Variants in SEC63 observed in about 807,000 individuals in gnomAD.
SEC63 encodes the protein SEC63 protein translocation regulator.
A neutral mutation model predicts 116.2 loss-of-function variants in SEC63; 56 were observed. That is an observed-to-expected ratio of 0.48 (90% CI 0.39 to 0.60). SEC63 has a LOEUF of 0.60. Among genes scored for constraint, SEC63 ranks in the 20% least tolerant of loss-of-function variants. The pLI, the probability that SEC63 is intolerant of heterozygous loss-of-function variation, is 0.00. For missense variants in SEC63, 668 were observed against 900.0 expected (o/e 0.74, Z 3.30); for synonymous variants, 273 against 294.6 (o/e 0.93, Z 0.75).
chr6:107,912,875 CCCA>C (rs1231630357), intron 5 of SEC63, 101 bp from the exon 6 acceptor site: 2 of 866,146 alleles, frequency 2.3e-6, no homozygotes, highest in African/African-American at 3.4e-5. Context: ...AGAACTCTCC[CCCA>C]CAACACAAAA....
intron 2 of SEC63, among the ~76,000 whole-genome samples, chr6:107,926,688 G>A (rs752321441): frequency 1.4e-4 from 21 of 152,020 alleles, no homozygotes; most frequent in Non-Finnish European, 8.8e-5. Context: ...CATCCAAAAG[G>A]CTAACAAACA....
chr6:107,933,753 G>A (rs1428059942), intron 1 of SEC63, among the ~76,000 whole-genome samples: 1 of 148,230 alleles, frequency 6.7e-6, no homozygotes, highest in Non-Finnish European at 1.5e-5. Context: ...TCTTTCCACG[G>A]TCTCCCTCTG....
chr6:107,930,930 G>C (rs1435621281), intron 1 of SEC63, among the ~76,000 whole-genome samples: 1 of 152,148 alleles, frequency 6.6e-6, no homozygotes, highest in African/African-American at 2.4e-5. Context: ...AGGAGGCAGA[G>C]GTTGCAGTGA....
At chr6:107,921,077 A>ATT (rs1787545422) in intron 4 of SEC63, among the ~76,000 whole-genome samples, 1 of 152,214 alleles carries the variant, frequency 6.6e-6, no homozygotes, top group African/African-American at 2.4e-5. Context: ...GTGTGACGAA[A>ATT]TTCTAAAAAG....
At chr6:107,941,031 G>A (rs1347169075) in intron 1 of SEC63, among the ~76,000 whole-genome samples, 2 of 152,014 alleles carry the variant, frequency 1.3e-5, no homozygotes, top group South Asian at 2.1e-4. Context: ...CAAGTACTAG[G>A]AAAGTAAATA....
chr6:107,913,105 A>AT (rs1273836890), intron 5 of SEC63, among the ~76,000 whole-genome samples: 7 of 152,126 alleles, frequency 4.6e-5, no homozygotes, highest in Non-Finnish European at 8.8e-5. Flanking sequence ...GAAAAATAAG[A>AT]TTTTTTCCTC....
chr6:107,874,665 A>G (rs1317901776), intron 19 of SEC63, among the ~76,000 whole-genome samples: 2 of 151,700 alleles, frequency 1.3e-5, no homozygotes, highest in Non-Finnish European at 2.9e-5. Flanking sequence ...ACAACCAAAT[A>G]CAATGTAAAA....
rs909264652 is a variant in SEC63 at position 107,868,776 on chromosome 6, A to G, written c.*2928T>C. 2 of 151,980 alleles carry G rather than the reference A, an allele frequency of 1.3e-5. No homozygotes were observed. Among genetic ancestry groups the G allele is most frequent in the African/African-American group, 4.8e-5 (2 of 41,342 alleles). The allele number at this position is 151,980 out of a possible 1,614,324, so 9.4% of individuals were successfully genotyped here. A position where few individuals can be genotyped will look rare whatever the true frequency, so the allele number is the denominator to read the frequency against. ...CACCAGCGAGTGAGTTCTTAACACT[A>G]TTTTTTTCATTTTGATAGCTCCAGT... On this transcript the variant is annotated 3_prime_UTR_variant, in exon 21 of 21. Transcript: ENST00000369002.
rs762367892 is a variant in SEC63 at position 107,883,018 on chromosome 6, T to G, written c.1803A>C (p.Gln601His). 1.2e-6 allele frequency: 2 copies of G among 1,611,328 alleles called. No homozygotes were observed. Among genetic ancestry groups the G allele is most frequent in the Non-Finnish European group, 1.7e-6 (2 of 1,178,464 alleles). ...DGSDRDSDRE[Q>H]DEKQNKDDEA... ...CATCATCTTTGTTTTGTTTTTCATCTTGCTCTCTATCAGAGTCTCTGTCAC... is the reference window on the plus strand; with the variant it reads ...CATCATCTTTGTTTTGTTTTTCATCGTGCTCTCTATCAGAGTCTCTGTCAC... The change falls in exon 17 of 21, where the codon CAA (glutamine) becomes CAC (histidine). Residue 601 changes from glutamine to histidine, a missense_variant. Physicochemically the swap from Gln to His is conservative, Grantham distance 24. Coordinates refer to ENST00000369002, the MANE Select transcript of SEC63 (RefSeq NM_007214.5).
At chr6:107,878,646 G>A (rs1006725888) in intron 18 of SEC63, among the ~76,000 whole-genome samples, 13 of 152,014 alleles carry the variant, frequency 8.6e-5, no homozygotes, top group East Asian at 1.9e-4. Flanking sequence ...ACTTGAAGTC[G>A]GGAGTTTAAG....
At chr6:107,878,437 A>G (rs1454273687) in intron 18 of SEC63, among the ~76,000 whole-genome samples, 1 of 152,258 alleles carries the variant, frequency 6.6e-6, no homozygotes, top group Non-Finnish European at 1.5e-5. Flanking sequence ...CATCATTACA[A>G]CAAGTAGGGA....
intron 1 of SEC63, among the ~76,000 whole-genome samples, chr6:107,941,646 G>C (rs1029546183): frequency 6.6e-6 from 1 of 152,202 alleles, no homozygotes; most frequent in African/African-American, 2.4e-5. Flanking sequence ...ATCTGGAAAA[G>C]CAAAGGAGAC....
chr6:107,915,013 A>T (rs1188189318), intron 4 of SEC63, among the ~76,000 whole-genome samples: 3 of 152,204 alleles, frequency 2.0e-5, no homozygotes, highest in Non-Finnish European at 2.9e-5. Flanking sequence ...TCAATCTAAT[A>T]AAATAAGTCA....
At position 107,903,015 on chromosome 6, in the gene SEC63, A is replaced by C. The variant is rs1286371321; in HGVS notation, c.1055-17T>G. The C allele has an allele frequency of 6.2e-7, 1 of 1,613,792 alleles. No homozygotes were observed. Among genetic ancestry groups the C allele is most frequent in the Non-Finnish European group, 8.5e-7 (1 of 1,179,896 alleles). On this transcript the variant is annotated splice_polypyrimidine_tract_variant and intron_variant, in intron 11 of 20. Transcript: ENST00000369002. ...ACTCCCTTTCTTAGAAAGAACAGGA[A>C]AAAAAGAAACAGGGCTGGACTTTTT...
chr6:107,883,814 A>T (rs969325935), intron 16 of SEC63, among the ~76,000 whole-genome samples: 1 of 151,830 alleles, frequency 6.6e-6, no homozygotes, highest in Non-Finnish European at 1.5e-5. Context: ...CTCAAAAAAA[A>T]AAAGAAATAA....
chr6:107,906,881 T>C, intron 8 of SEC63, 104 bp from the exon 9 acceptor site: 1 of 829,286 alleles, frequency 1.2e-6, no homozygotes, highest in South Asian at 1.4e-5. Context: ...TTTCTAAACA[T>C]GCACAATGCT....
chr6:107,915,045 A>C (rs1184422173), intron 4 of SEC63, among the ~76,000 whole-genome samples: 1 of 152,210 alleles, frequency 6.6e-6, no homozygotes, highest in Non-Finnish European at 1.5e-5. Flanking sequence ...TCAGTTTAAG[A>C]AGCAAATGAA....
At chr6:107,897,039 G>GGGAA (rs1453094130) in intron 14 of SEC63, among the ~76,000 whole-genome samples, 1 of 151,216 alleles carries the variant, frequency 6.6e-6, no homozygotes, top group African/African-American at 2.4e-5. Flanking sequence ...GAGGGAGGGA[G>GGGAA]GGAAGGAAGG....
At chr6:107,940,720 A>C (rs955593106) in intron 1 of SEC63, among the ~76,000 whole-genome samples, 6 of 151,706 alleles carry the variant, frequency 4.0e-5, no homozygotes, top group Non-Finnish European at 8.8e-5. Flanking sequence ...GAAAAGAAAG[A>C]TAGGAAAAGT....
Sources: gnomAD v4.1 joint callset for allele counts (sites outside exome capture counted in the v4.1 genomes callset) on GRCh38, gnomAD v4.1.1 for gene constraint, MANE v1.5 for transcripts, NCBI Gene and HGNC (gene_info 2026-07-23, HGNC 2026-07-21) for gene names.